The following ADAMTSL1 variants were observed in gnomAD, a reference collection of about 807,000 sequenced individuals.
ADAMTSL1 encodes ADAMTS like 1, also known as ADAMTS-like protein 1.
A neutral mutation model predicts 201.8 loss-of-function variants in ADAMTSL1; 126 were observed. That is an observed-to-expected ratio of 0.62 (90% CI 0.54 to 0.72). ADAMTSL1 has a LOEUF of 0.72. Ranked by LOEUF, ADAMTSL1 falls within the 30% of genes least tolerant of loss-of-function variation. ADAMTSL1 has a pLI of 0.00. For missense variants in ADAMTSL1, 2,679 were observed against 2,277.8 expected (o/e 1.18, Z -3.59); for synonymous variants, 1,121 against 903.4 (o/e 1.24, Z -4.32).
chr9:18,608,445 C>T (rs1825165287), intron 4 of ADAMTSL1, among the ~76,000 whole-genome samples: 1 of 152,174 alleles, frequency 6.6e-6, no homozygotes, highest in Non-Finnish European at 1.5e-5. Context: ...CATTTCTATG[C>T]ATGTGAGTGG....
chr9:17,918,733 T>G lies in ADAMTSL1; in HGVS notation c.87+11811T>G, dbSNP rs1353516869. ...TCAAGTCTTCCATACACTTACTGAT[T>G]TTTCTGTATACTTATTGTATCAATT... is the stretch of plus-strand genomic sequence containing the variant. On this transcript the variant is annotated intron_variant, in intron 1 of 29. Transcript: ENST00000680146. 9.2e-5 allele frequency among the ~76,000 whole-genome samples: 14 copies of G among 151,944 alleles called. 1 individual carries two copies. Among genetic ancestry groups the G allele is most frequent in the Admixed American group, 9.2e-4 (14 of 15,264 alleles).
intron 1 of ADAMTSL1, among the ~76,000 whole-genome samples, chr9:18,014,564 C>T (rs570772014): frequency 7.2e-5 from 11 of 152,182 alleles, no homozygotes; most frequent in South Asian, 2.1e-4. Flanking sequence ...ACAGTTTTAA[C>T]GCAAGTTGGG....
rs75521760 is a variant in ADAMTSL1, at chr9:18,141,798, A to G, written c.88-22064A>G. ...GATCTTGTCACTGACTCTTTCACCA[A>G]CAGGCGTTACTGAGAAAGGAGGTAC... On this transcript the variant is annotated intron_variant, in intron 1 of 29. Transcript: ENST00000680146. 4.9e-3 allele frequency among the ~76,000 whole-genome samples: 747 copies of G among 152,294 alleles called. 10 individuals carry two copies. Among genetic ancestry groups the G allele is most frequent in the African/African-American group, 0.017 (719 of 41,558 alleles).
chr9:18,160,429 T>C (rs1018027832), intron 1 of ADAMTSL1, among the ~76,000 whole-genome samples: 1 of 151,974 alleles, frequency 6.6e-6, no homozygotes, highest in Admixed American at 6.6e-5. Flanking sequence ...ACATAGCCAT[T>C]AGCCATACAT....
intron 1 of ADAMTSL1, among the ~76,000 whole-genome samples, chr9:18,484,124 C>G (rs1821869102): frequency 6.6e-6 from 1 of 152,152 alleles, no homozygotes; most frequent in Admixed American, 6.5e-5. Context: ...TGAGAGCCTG[C>G]TATATATCAG....
At position 18,624,833 on chromosome 9, in the gene ADAMTSL1, C is replaced by T. The variant is rs114073457; in HGVS notation, c.601+2464C>T. On this transcript the variant is annotated intron_variant, in intron 5 of 28. Coordinates refer to ENST00000380548, the MANE Select transcript of ADAMTSL1 (RefSeq NM_001040272.6). The stretch of plus-strand genomic sequence containing the variant: ...CAATGAAAAGTGCCCTATTCAAGAC[C>T]GACAGTAGGTAAATTATATAATACA... 3.4e-3 allele frequency among the ~76,000 whole-genome samples: 516 copies of T among 152,174 alleles called. 2 individuals carry two copies. Among genetic ancestry groups the T allele is most frequent in the African/African-American group, 0.012 (494 of 41,518 alleles).
intron 1 of ADAMTSL1, among the ~76,000 whole-genome samples, chr9:17,932,561 C>T (rs1419624494): frequency 6.6e-6 from 1 of 151,998 alleles, no homozygotes; most frequent in Non-Finnish European, 1.5e-5. Context: ...GAAGACTTTT[C>T]CTATAGAATC....
intron 2 of ADAMTSL1, among the ~76,000 whole-genome samples, chr9:18,249,920 C>A (rs921495208): frequency 6.6e-6 from 1 of 152,138 alleles, no homozygotes; most frequent in African/African-American, 2.4e-5. Flanking sequence ...TTTGGAATCC[C>A]TGAGGTATTC....
chr9:17,941,734 G>A (rs778399092), intron 1 of ADAMTSL1, among the ~76,000 whole-genome samples: 1 of 152,106 alleles, frequency 6.6e-6, no homozygotes, highest in Non-Finnish European at 1.5e-5. Flanking sequence ...GTCTGTTCAG[G>A]CTACTATAAT....
chr9:18,032,395 T>G (rs1317775287), intron 1 of ADAMTSL1, among the ~76,000 whole-genome samples: 1 of 152,164 alleles, frequency 6.6e-6, no homozygotes, highest in Non-Finnish European at 1.5e-5. Flanking sequence ...CTGGCTGTGC[T>G]GAGGAGTCCG....
At chr9:18,657,563 C>G (rs1428790425) in intron 7 of ADAMTSL1, 76 bp from the exon 8 acceptor site, 13 of 1,111,212 alleles carry the variant, frequency 1.2e-5, no homozygotes, top group Non-Finnish European at 1.6e-5. Flanking sequence ...CTACCATATA[C>G]TCTTGTTCGA....
At chr9:18,145,424 A>T (rs189125301) in intron 1 of ADAMTSL1, among the ~76,000 whole-genome samples, 129 of 152,294 alleles carry the variant, frequency 8.5e-4, no homozygotes, top group African/African-American at 2.9e-3. Flanking sequence ...TACAAACTTG[A>T]GGGAATGTTA....
intron 2 of ADAMTSL1, among the ~76,000 whole-genome samples, chr9:18,243,442 G>A (rs562777906): frequency 1.7e-4 from 26 of 152,044 alleles, no homozygotes; most frequent in Non-Finnish European, 3.4e-4. Flanking sequence ...ATGCCTCGAG[G>A]AACAAATCCG....
intron 1 of ADAMTSL1, among the ~76,000 whole-genome samples, chr9:18,008,740 T>A (rs62553119): frequency 6.6e-6 from 1 of 151,826 alleles, no homozygotes; most frequent in African/African-American, 2.4e-5. Flanking sequence ...TGCTTAGAAC[T>A]CATGGCCATC....
intron 1 of ADAMTSL1, among the ~76,000 whole-genome samples, chr9:17,977,546 A>G (rs1021787089): frequency 6.6e-6 from 1 of 151,940 alleles, no homozygotes; most frequent in Non-Finnish European, 1.5e-5. Context: ...CTTGAAATTT[A>G]TCCACTTTTT....
At chr9:18,121,771 C>A (rs927567914) in intron 1 of ADAMTSL1, among the ~76,000 whole-genome samples, 2 of 152,116 alleles carry the variant, frequency 1.3e-5, no homozygotes, top group Admixed American at 6.6e-5. Flanking sequence ...TTTTACCATG[C>A]AAACAGAAAT....
chr9:18,074,548 T>G (rs1469576230), intron 1 of ADAMTSL1, among the ~76,000 whole-genome samples: 2 of 110,522 alleles, frequency 1.8e-5, no homozygotes, highest in African/African-American at 7.4e-5. Flanking sequence ...TCTCTTCTTT[T>G]CTCTTCTCTT....
At chr9:18,184,361 A>G (rs774657871) in intron 2 of ADAMTSL1, among the ~76,000 whole-genome samples, 1 of 152,204 alleles carries the variant, frequency 6.6e-6, no homozygotes, top group Non-Finnish European at 1.5e-5. Context: ...TGAAGGAAAT[A>G]TCAATTTTTC....
At chr9:18,614,175 G>T (rs1416732644) in intron 4 of ADAMTSL1, among the ~76,000 whole-genome samples, 13 of 152,190 alleles carry the variant, frequency 8.5e-5, no homozygotes, top group Admixed American at 8.5e-4. Context: ...GTGGGCTGTT[G>T]TAAGGGTCTG....
Sources: allele counts gnomAD v4.1 joint callset (sites outside exome capture counted in the v4.1 genomes callset), GRCh38; gene constraint gnomAD v4.1.1; transcripts MANE v1.5; gene names NCBI Gene and HGNC (gene_info 2026-07-23, HGNC 2026-07-21).